DNAJC15: variants seen among roughly 807,000 people sequenced by gnomAD.
The protein encoded by DNAJC15 is dnaJ homolog subfamily C member 15.
Under a neutral mutation model 22.4 loss-of-function variants are expected in DNAJC15, and 27 were observed. The ratio of observed to expected loss-of-function variants is 1.20; its 90% CI spans 0.89 to 1.66. DNAJC15 has a LOEUF of 1.66. DNAJC15 is among the 40% of genes most tolerant of loss of function. The pLI is 0.00. For missense variants in DNAJC15, 208 were observed against 187.1 expected (o/e 1.11, Z -0.65); for synonymous variants, 79 against 63.2 (o/e 1.25, Z -1.19).
chr13:43,033,078 C>T (rs1156390304), intron 1 of DNAJC15, among the ~76,000 whole-genome samples: 1 of 152,198 alleles, frequency 6.6e-6, no homozygotes, highest in African/African-American at 2.4e-5. Context: ...CTCACTATCA[C>T]AGGAATAGCA....
In DNAJC15 at chr13:43,104,243, G is replaced by A. The variant is rs188746803; in HGVS notation, c.383-2935G>A. Among the ~76,000 whole-genome samples the A allele has an allele frequency of 2.5e-4, 38 of 152,006 alleles. No individual in the cohort carries two copies. The East Asian group carries it at 6.0e-3, about 24-fold the overall frequency. On this transcript the variant is annotated intron_variant, in intron 5 of 5. Transcript: ENST00000379221. Reference sequence around the variant, plus strand: ...CTGGGCAATCACCATTCTTCTTTCTGCCACAGACTATAGATTAAACATGTC... The same window carrying A: ...CTGGGCAATCACCATTCTTCTTTCTACCACAGACTATAGATTAAACATGTC...
intron 1 of DNAJC15, among the ~76,000 whole-genome samples, chr13:43,028,818 C>T (rs546965589): frequency 7.2e-4 from 109 of 152,224 alleles, no homozygotes; most frequent in African/African-American, 2.6e-3. Flanking sequence ...GACCCCAGTT[C>T]CCTTTGCCTA....
chr13:43,039,579 C>T (rs540285312), intron 1 of DNAJC15, among the ~76,000 whole-genome samples: 5 of 152,144 alleles, frequency 3.3e-5, no homozygotes, highest in Non-Finnish European at 7.4e-5. Flanking sequence ...GAACTTAATT[C>T]AGGACTTTAG....
chr13:43,025,196 A>G (rs1209379908), intron 1 of DNAJC15, among the ~76,000 whole-genome samples: 3 of 152,210 alleles, frequency 2.0e-5, no homozygotes, highest in Non-Finnish European at 4.4e-5. Context: ...CTCCTTAGAA[A>G]TAAGGATTTC....
At chr13:43,050,925 C>G (rs2040499882) in intron 1 of DNAJC15, among the ~76,000 whole-genome samples, 1 of 152,020 alleles carries the variant, frequency 6.6e-6, no homozygotes, top group Non-Finnish European at 1.5e-5. Flanking sequence ...CTTTTTTACT[C>G]TAGTGATCTA....
intron 5 of DNAJC15, among the ~76,000 whole-genome samples, chr13:43,095,492 C>T (rs2040735350): frequency 6.6e-6 from 1 of 151,980 alleles, no homozygotes; most frequent in Non-Finnish European, 1.5e-5. Context: ...CTCTAGAGTT[C>T]AGAGAAGCAG....
chr13:43,069,051 C>G lies in DNAJC15; in HGVS notation c.234+48C>G, dbSNP rs550268649. On this transcript the variant is annotated intron_variant, in intron 3 of 5. Transcript: ENST00000379221. ...TAGAAGACTCATTTTGATTTTTGTTCATATGACATATTTCAATTAACTTAG... is the reference window on the plus strand; with the variant it reads ...TAGAAGACTCATTTTGATTTTTGTTGATATGACATATTTCAATTAACTTAG... The G allele has an allele frequency of 3.3e-5, 50 of 1,538,124 alleles. No homozygotes were observed. The East Asian group carries it at 1.1e-3, about 34-fold the overall frequency.
intron 3 of DNAJC15, among the ~76,000 whole-genome samples, chr13:43,072,735 TG>T (rs1247515958): frequency 6.6e-6 from 1 of 152,192 alleles, no homozygotes; most frequent in African/African-American, 2.4e-5. Flanking sequence ...AGCTAATTTT[TG>T]TATTTTTAGT....
At position 43,110,422 on chromosome 13, in the gene DNAJC15, C is replaced by T. The variant is rs1256928253; in HGVS notation, c.*3174C>T. Reference sequence around the variant, plus strand: ...AGAGGATAGAGAGGACTGAAGGAATCAGTGCTCATCTTTAATATGCAGCAG... The same window carrying T: ...AGAGGATAGAGAGGACTGAAGGAATTAGTGCTCATCTTTAATATGCAGCAG... On this transcript the variant is annotated 3_prime_UTR_variant, in exon 6 of 6. Coordinates refer to ENST00000379221, the MANE Select transcript of DNAJC15 (RefSeq NM_013238.3). 1 of 152,196 alleles carries T rather than the reference C, an allele frequency of 6.6e-6. No homozygotes were observed. Among genetic ancestry groups the T allele is most frequent in the African/African-American group, 2.4e-5 (1 of 41,446 alleles). 9.4% of individuals were successfully genotyped at this position (152,196 alleles called of 1,614,324 possible).
chr13:43,054,506 A>G (rs908974683), intron 1 of DNAJC15, among the ~76,000 whole-genome samples: 6 of 152,162 alleles, frequency 3.9e-5, no homozygotes, highest in African/African-American at 1.2e-4. Flanking sequence ...ATGTCTGACA[A>G]AATTCAGCTG....
intron 1 of DNAJC15, among the ~76,000 whole-genome samples, chr13:43,061,447 C>G (rs190785969): frequency 3.9e-5 from 6 of 152,042 alleles, no homozygotes; most frequent in African/African-American, 9.7e-5. Flanking sequence ...GGATCTGATG[C>G]CTTTTGATGG....
chr13:43,074,356 T>C (rs1475185324), intron 3 of DNAJC15, among the ~76,000 whole-genome samples: 2 of 152,232 alleles, frequency 1.3e-5, no homozygotes, highest in Non-Finnish European at 2.9e-5. Flanking sequence ...GTCATTTATA[T>C]ATACAATATT....
chr13:43,087,769 A>G (rs1198495032), intron 5 of DNAJC15, among the ~76,000 whole-genome samples: 1 of 152,226 alleles, frequency 6.6e-6, no homozygotes, highest in Non-Finnish European at 1.5e-5. Context: ...AATTTGTTAC[A>G]CATTTCATTA....
At position 43,111,469 on chromosome 13, in the gene DNAJC15, T is replaced by A. The variant is rs1231132275; in HGVS notation, c.*4221T>A. On this transcript the variant is annotated 3_prime_UTR_variant, in exon 6 of 6. Transcript: ENST00000379221. ...TTCATGTGCAGAAATCTTTTGGTTG[T>A]CCTGGGGAACCTTGAACACAGAAAA... is the stretch of plus-strand genomic sequence containing the variant. 6.6e-6 allele frequency: 1 copy of A among 152,214 alleles called. No individual in the cohort carries two copies. The highest frequency in any genetic ancestry group is 1.5e-5 in the Non-Finnish European group (1 of 68,034). The allele number at this position is 152,214 out of a possible 1,614,324, so 9.4% of individuals were successfully genotyped here. A position where few individuals can be genotyped will look rare whatever the true frequency, so the allele number is the denominator to read the frequency against.
chr13:43,047,780 A>G (rs2040484741), intron 1 of DNAJC15, among the ~76,000 whole-genome samples: 1 of 152,148 alleles, frequency 6.6e-6, no homozygotes, highest in East Asian at 1.9e-4. Context: ...GCATGGATGA[A>G]AAACTTGAAG....
At chr13:43,056,995 G>C (rs2040534556) in intron 1 of DNAJC15, among the ~76,000 whole-genome samples, 1 of 152,090 alleles carries the variant, frequency 6.6e-6, no homozygotes, top group Non-Finnish European at 1.5e-5. Context: ...TCTCTGATAG[G>C]TTTTCCTTTA....
At chr13:43,093,653 CG>C (rs2040725885) in intron 5 of DNAJC15, among the ~76,000 whole-genome samples, 1 of 152,118 alleles carries the variant, frequency 6.6e-6, no homozygotes, top group Non-Finnish European at 1.5e-5. Flanking sequence ...GGACTCAAGC[CG>C]TCCTGCCACC....
chr13:43,108,918 C>G lies in DNAJC15; in HGVS notation c.*1670C>G, dbSNP rs1233413932. The G allele has an allele frequency of 6.6e-6, 1 of 152,142 alleles. No individual in the cohort carries two copies. Among genetic ancestry groups the G allele is most frequent in the Non-Finnish European group, 1.5e-5 (1 of 68,014 alleles). 9.4% of individuals were successfully genotyped at this position (152,142 alleles called of 1,614,324 possible). A position where few individuals can be genotyped will look rare whatever the true frequency, so the allele number is the denominator to read the frequency against. On this transcript the variant is annotated 3_prime_UTR_variant, in exon 6 of 6. Transcript: ENST00000379221. ...TTGCTTTAAAGTCCCCATACGTGTC[C>G]TACTAATTTTCTCATGCTTTAGTGT... is the stretch of plus-strand genomic sequence containing the variant.
chr13:43,100,205 CTTT>C (rs368386623), intron 5 of DNAJC15, among the ~76,000 whole-genome samples: 7 of 110,500 alleles, frequency 6.3e-5, no homozygotes, highest in Admixed American at 2.0e-4. Flanking sequence ...TTATTGAAGT[CTTT>C]TTTTTTTTTT....
Sources: gnomAD v4.1 joint callset for allele counts (sites outside exome capture counted in the v4.1 genomes callset) on GRCh38, gnomAD v4.1.1 for gene constraint, MANE v1.5 for transcripts, NCBI Gene and HGNC (gene_info 2026-07-23, HGNC 2026-07-21) for gene names.